The following DNAH17 variants were observed in gnomAD, a reference collection of about 807,000 sequenced individuals.
The protein encoded by DNAH17 is axonemal beta dynein heavy chain 17.
A neutral mutation model predicts 485.6 loss-of-function variants in DNAH17; 376 were observed. That is an observed-to-expected ratio of 0.77 (90% confidence interval 0.71 to 0.84). The LOEUF (loss-of-function observed/expected upper bound fraction) is 0.84. Ranked by LOEUF, DNAH17 falls within the 40% of genes least tolerant of loss-of-function variation. DNAH17 has a pLI of 0.00. For missense variants in DNAH17, 6,370 were observed against 5,839.3 expected (o/e 1.09, Z -2.96); for synonymous variants, 3,031 against 2,405.9 (o/e 1.26, Z -7.60).
rs752331530 is a variant in DNAH17 at position 78,561,839 on chromosome 17, C to T, written c.1711G>A (p.Glu571Lys). 5.5e-5 allele frequency: 88 copies of T among 1,613,770 alleles called. No homozygotes were observed. In the African/African-American group the frequency reaches 6.5e-4, roughly 12 times the overall value. The change falls in exon 12 of 81, where the codon GAG becomes AAG. Residue 571 changes from glutamate to lysine, a missense_variant. Physicochemically the swap from Glu to Lys is moderately conservative, Grantham distance 56. Transcript: ENST00000389840. ...ILYDAQMAAS[E>K]EGNIPLIHKN... The stretch of plus-strand genomic sequence containing the variant: ...TGGATCAGGGGGATGTTCCCCTCCT[C>T]GGAGGCCGCCATCTGGGCATCGTAC...
At chr17:78,556,973 G>A (rs1201285613) in intron 14 of DNAH17, among the ~76,000 whole-genome samples, 1 of 152,170 alleles carries the variant, frequency 6.6e-6, no homozygotes, top group Non-Finnish European at 1.5e-5. Flanking sequence ...CCAGGGCCTC[G>A]TGCCAGGAAG....
intron 44 of DNAH17, 62 bp from the exon 45 acceptor site, chr17:78,486,568 C>T: frequency 6.6e-7 from 1 of 1,525,796 alleles, no homozygotes; most frequent in Non-Finnish European, 8.8e-7. Flanking sequence ...GTGTCCCTGC[C>T]TTGGTAAACG....
chr17:78,453,185 C>A (rs1006171450), intron 65 of DNAH17, among the ~76,000 whole-genome samples, 158 bp downstream of exon 65: 2 of 152,200 alleles, frequency 1.3e-5, no homozygotes, highest in African/African-American at 4.8e-5. Context: ...TCCTCAGGAG[C>A]TGGGGGTTCC....
rs192446449 is a variant in DNAH17, at chr17:78,515,338, G to A, written c.3865-316C>T. 1.1e-4 allele frequency among the ~76,000 whole-genome samples: 16 copies of A among 152,072 alleles called. 1 individual carries two copies. The highest frequency in any genetic ancestry group is 3.9e-4 in the Admixed American group (6 of 15,270). On this transcript the variant is annotated intron_variant, in intron 25 of 80. Coordinates refer to ENST00000389840, the MANE Select transcript of DNAH17 (RefSeq NM_173628.4). ...AGCCTGACCAACATGGTGAAACCCC[G>A]TCTGTACTAAAAATACAAAAATTAG...
rs376571640 is a variant in DNAH17 at position 78,484,886 on chromosome 17, T to A, written c.7631A>T (p.His2544Leu). Residue 2544 changes from histidine (H) to leucine (L), a missense_variant, in exon 48 of 81, where the codon CAC becomes CTC. His to Leu is a moderately conservative substitution (Grantham distance 99, BLOSUM62 -3). Coordinates refer to ENST00000389840, the MANE Select transcript of DNAH17 (RefSeq NM_173628.4). ...GTCTAACCAGTGCCGGTGGTCCATGTGCTGCCGGATGAGGGTGTGCGGGGC... is the reference window on the plus strand; with the variant it reads ...GTCTAACCAGTGCCGGTGGTCCATGAGCTGCCGGATGAGGGTGTGCGGGGC... ...TVAPHTLIRQHMDHRHWYDRH... is the reference protein window; with the variant it reads ...TVAPHTLIRQLMDHRHWYDRH... The A allele has an allele frequency of 5.7e-6, 9 of 1,573,160 alleles. No homozygotes were observed. In the Admixed American group the frequency reaches 7.5e-5, roughly 13 times the overall value.
At position 78,468,774 on chromosome 17, in the gene DNAH17, T is replaced by C. The variant is rs760454884; in HGVS notation, c.8621A>G (p.Asp2874Gly). The C allele has an allele frequency of 5.6e-6, 9 of 1,614,000 alleles. No individual in the cohort carries two copies. In the South Asian group the frequency reaches 9.9e-5, roughly 18 times the overall value. Residue 2874 changes from aspartate to glycine, a missense_variant, in exon 55 of 81, where the codon GAC becomes GGC. Physicochemically the swap from Asp to Gly is moderately conservative, Grantham distance 94 (BLOSUM62 -1). Coordinates refer to ENST00000389840, the MANE Select transcript of DNAH17 (RefSeq NM_173628.4). The part of the protein sequence containing the change: ...AEEQFLVLIN[D>G]LLASGEIPGL... ...AGGGATCTCTCCTGAGGCCAGCAGG[T>C]CATTGATCAGCACCAGAAACTGCTC... is the stretch of plus-strand genomic sequence containing the variant.
chr17:78,472,654 G>T (rs2088817852), intron 54 of DNAH17: 1 of 446,098 alleles, frequency 2.2e-6, no homozygotes, highest in South Asian at 1.6e-5. Flanking sequence ...GGGGAGCTGG[G>T]GTAGCACCTG....
chr17:78,508,888 A>G (rs2090560115), intron 27 of DNAH17, among the ~76,000 whole-genome samples: 1 of 151,510 alleles, frequency 6.6e-6, no homozygotes, highest in Admixed American at 6.6e-5. Flanking sequence ...CGCAGCCTCC[A>G]TCTCCTGAGC....
chr17:78,461,479 G>A, intron 58 of DNAH17, 65 bp downstream of exon 58: 1 of 1,421,040 alleles, frequency 7.0e-7, no homozygotes, highest in Non-Finnish European at 9.2e-7. Flanking sequence ...ACCACACGTG[G>A]AAGCCCAGGA....
At chr17:78,502,408 G>A (rs891703131) in intron 33 of DNAH17, 183 bp downstream of exon 33, 2 of 541,208 alleles carry the variant, frequency 3.7e-6, no homozygotes, top group African/African-American at 2.0e-5. Context: ...GGGGAGAGGT[G>A]CCTGGGGCTG....
intron 26 of DNAH17, among the ~76,000 whole-genome samples, chr17:78,514,416 A>T (rs1364613771): frequency 6.7e-6 from 1 of 149,528 alleles, no homozygotes; most frequent in East Asian, 2.0e-4. Context: ...AAGGCAGAAG[A>T]ACTGCTTGAA....
At chr17:78,466,526 G>C in intron 56 of DNAH17, 129 bp downstream of exon 56, 2 of 755,180 alleles carry the variant, frequency 2.6e-6, no homozygotes, top group South Asian at 1.3e-4. Context: ...CTTAAACGTT[G>C]AGCCCAAGGC....
intron 69 of DNAH17, among the ~76,000 whole-genome samples, chr17:78,447,701 A>T (rs1355387939): frequency 1.3e-5 from 2 of 150,736 alleles, no homozygotes; most frequent in African/African-American, 5.0e-5. Context: ...AAAATCTCAT[A>T]GTGAACCTAT....
At position 78,459,177 on chromosome 17, in the gene DNAH17, C is replaced by G; in HGVS notation, c.9685G>C (p.Glu3229Gln). The G allele has an allele frequency of 6.2e-7, 1 of 1,613,882 alleles. No homozygotes were observed. Among genetic ancestry groups the G allele is most frequent in the Non-Finnish European group, 8.5e-7 (1 of 1,179,874 alleles). The change falls in exon 61 of 81, where the codon GAG becomes CAG. Residue 3229 changes from glutamate (E) to glutamine (Q), a missense_variant. Transcript: ENST00000389840. ...PYQGNPTFDP[E>Q]FIRSKSTAAA... ...GCCGTGGACTTGGAGCGGATGAACT[C>G]GGGGTCGAACGTCGGGTTGCCTTGG...
intron 34 of DNAH17, 27 bp downstream of exon 34, chr17:78,501,715 T>C: frequency 6.2e-7 from 1 of 1,608,420 alleles, no homozygotes; most frequent in Non-Finnish European, 8.5e-7. Context: ...GCCCTTCCCC[T>C]GGCCCCTGGG....
intron 22 of DNAH17, 87 bp from the exon 23 acceptor site, chr17:78,527,083 G>A (rs1598644717): frequency 3.3e-6 from 4 of 1,227,852 alleles, no homozygotes; most frequent in Non-Finnish European, 4.5e-6. Flanking sequence ...CTGGTAAGAA[G>A]CTGCAAAAAC....
chr17:78,494,788 C>A lies in DNAH17; in HGVS notation c.6075G>T (p.Lys2025Asn), dbSNP rs1471182229. The change falls in exon 40 of 81, where the codon AAG becomes AAT. Residue 2025 changes from lysine to asparagine, a missense_variant. Physicochemically the swap from Lys to Asn is moderately conservative, Grantham distance 94. Transcript: ENST00000389840. The part of the protein sequence containing the change: ...DHYDWGLRAI[K>N]SVLVVAGSLK... ...GGGAGCCGGCCACCACCAGCACAGA[C>A]TTGATGGCTCTCAGGCCCCAGTCGT... 1 of 1,611,816 alleles carries A rather than the reference C, an allele frequency of 6.2e-7. No individual in the cohort carries two copies. Among genetic ancestry groups the A allele is most frequent in the East Asian group, 2.2e-5 (1 of 44,848 alleles).
intron 75 of DNAH17, among the ~76,000 whole-genome samples, chr17:78,429,506 C>T (rs1289861613): frequency 1.3e-5 from 2 of 152,212 alleles, no homozygotes; most frequent in African/African-American, 4.8e-5. Context: ...CACCAGACGC[C>T]AATGTCCGGC....
intron 51 of DNAH17, 134 bp from the exon 52 acceptor site, chr17:78,476,867 C>T (rs912704992): frequency 9.0e-7 from 1 of 1,114,380 alleles, no homozygotes; most frequent in African/African-American, 1.6e-5. Flanking sequence ...ACAGCATTCA[C>T]TTGGGGCCAG....
Sources: allele counts gnomAD v4.1 joint callset (sites outside exome capture counted in the v4.1 genomes callset), GRCh38; gene constraint gnomAD v4.1.1; transcripts MANE v1.5; gene names NCBI Gene and HGNC (gene_info 2026-07-23, HGNC 2026-07-21).